SLC12A6: variants seen among roughly 807,000 people sequenced by gnomAD.
SLC12A6 encodes the protein K-Cl cotransporter 3.
A neutral mutation model predicts 135.3 loss-of-function variants in SLC12A6; 66 were observed. The ratio of observed to expected loss-of-function variants is 0.49; its 90% CI spans 0.40 to 0.60. SLC12A6 has a LOEUF of 0.60. Ranked by LOEUF, SLC12A6 falls within the 20% of genes least tolerant of loss-of-function variation. The pLI, the probability that SLC12A6 is intolerant of heterozygous loss-of-function variation, is 0.00. For missense variants in SLC12A6, 1,058 were observed against 1,452.3 expected (o/e 0.73, Z 4.41); for synonymous variants, 513 against 508.8 (o/e 1.01, Z -0.11).
rs938976336 is a variant in SLC12A6, at chr15:34,233,254, C to A, written c.*627G>T. 3.3e-5 allele frequency: 5 copies of A among 153,734 alleles called. No individual in the cohort carries two copies. Among genetic ancestry groups the A allele is most frequent in the African/African-American group, 1.2e-4 (5 of 41,388 alleles). The allele number at this position is 153,734 out of a possible 1,614,324, so 9.5% of individuals were successfully genotyped here. On this transcript the variant is annotated 3_prime_UTR_variant, in exon 26 of 26. Transcript: ENST00000354181. Reference sequence around the variant, plus strand: ...AAAACAGTTGAAGTATACACTGACACAGTATTTGGATATTTAAATCTGGTA... The same window carrying A: ...AAAACAGTTGAAGTATACACTGACAAAGTATTTGGATATTTAAATCTGGTA...
At chr15:34,273,423 A>G (rs993568784) in intron 3 of SLC12A6, among the ~76,000 whole-genome samples, 3 of 152,360 alleles carry the variant, frequency 2.0e-5, no homozygotes, top group South Asian at 2.1e-4. Flanking sequence ...TCAGATTTGT[A>G]TATTTATGTC....
intron 2 of SLC12A6, among the ~76,000 whole-genome samples, chr15:34,333,430 C>T (rs758222488): frequency 2.6e-5 from 4 of 151,900 alleles, no homozygotes; most frequent in East Asian, 1.9e-4. Flanking sequence ...AGGGTTTCAC[C>T]GTGTTCCCCA....
chr15:34,303,502 A>G (rs1248539354), intron 2 of SLC12A6, among the ~76,000 whole-genome samples: 2 of 152,124 alleles, frequency 1.3e-5, no homozygotes, highest in Non-Finnish European at 1.5e-5. Flanking sequence ...GCTGCTGTGT[A>G]TTATCAACAC....
In SLC12A6 at chr15:34,251,248, T is replaced by G. The variant is rs143661374; in HGVS notation, c.1334-191A>C. On this transcript the variant is annotated intron_variant, in intron 10 of 25. Coordinates refer to ENST00000354181, the MANE Select transcript of SLC12A6 (RefSeq NM_001365088.1). The stretch of plus-strand genomic sequence containing the variant: ...CACATAAATAAAAACATAGTTTTTT[T>G]TTTGTTTGTTTGTTTTTTGAGACAG... Among the ~76,000 whole-genome samples, 253 of 152,162 alleles carry G rather than the reference T, an allele frequency of 1.7e-3. 1 individual carries two copies. The highest frequency in any genetic ancestry group is 7.5e-3 in the South Asian group (36 of 4,824).
At chr15:34,255,779 T>C (rs1423811388) in intron 7 of SLC12A6, among the ~76,000 whole-genome samples, 1 of 150,184 alleles carries the variant, frequency 6.7e-6, no homozygotes, top group Non-Finnish European at 1.5e-5. Context: ...GAGACCAAAC[T>C]GGGTAACATA....
At chr15:34,266,375 C>T (rs139124155) in intron 3 of SLC12A6, among the ~76,000 whole-genome samples, 1 of 152,206 alleles carries the variant, frequency 6.6e-6, no homozygotes, top group East Asian at 1.9e-4. Flanking sequence ...GAAGGCATGA[C>T]AGTTTTGTTT....
chr15:34,332,370 T>C (rs1349291438), intron 2 of SLC12A6, among the ~76,000 whole-genome samples: 2 of 152,212 alleles, frequency 1.3e-5, no homozygotes, highest in Non-Finnish European at 2.9e-5. Flanking sequence ...CATTATACCA[T>C]GAGATCTGCA....
At chr15:34,255,477 T>C (rs1306134458) in intron 7 of SLC12A6, 85 bp from the exon 8 acceptor site, 1 of 975,596 alleles carries the variant, frequency 1.0e-6, no homozygotes, top group Admixed American at 1.9e-5. Context: ...AGAAAAAATA[T>C]ATACATAAAG....
At chr15:34,334,838 G>C (rs967609664) in intron 2 of SLC12A6, among the ~76,000 whole-genome samples, 1 of 152,134 alleles carries the variant, frequency 6.6e-6, no homozygotes, top group African/African-American at 2.4e-5. Context: ...TACCACTTTA[G>C]ACTGTAAAGA....
intron 3 of SLC12A6, among the ~76,000 whole-genome samples, chr15:34,269,903 G>A (rs1235016798): frequency 1.3e-5 from 2 of 152,118 alleles, no homozygotes; most frequent in African/African-American, 4.8e-5. Context: ...GATGAGTAAT[G>A]CCTAGCTCCA....
At chr15:34,281,529 C>G (rs989807707) in intron 2 of SLC12A6, among the ~76,000 whole-genome samples, 5 of 151,930 alleles carry the variant, frequency 3.3e-5, no homozygotes, top group Non-Finnish European at 7.4e-5. Flanking sequence ...GTGGCTCACG[C>G]CTGTAATCCT....
At chr15:34,268,829 C>T (rs947360816) in intron 3 of SLC12A6, among the ~76,000 whole-genome samples, 5 of 151,862 alleles carry the variant, frequency 3.3e-5, no homozygotes, top group South Asian at 4.2e-4. Flanking sequence ...CATCACCTGT[C>T]AGATTACTAT....
intron 2 of SLC12A6, among the ~76,000 whole-genome samples, chr15:34,281,656 C>T (rs551269867): frequency 2.0e-5 from 3 of 152,224 alleles, no homozygotes; most frequent in South Asian, 2.1e-4. Flanking sequence ...GGCATGGTGG[C>T]GCATGCCTGT....
At chr15:34,333,943 G>C (rs1456330153) in intron 2 of SLC12A6, among the ~76,000 whole-genome samples, 1 of 151,832 alleles carries the variant, frequency 6.6e-6, no homozygotes, top group African/African-American at 2.4e-5. Flanking sequence ...GGTGGTGCAT[G>C]CCTGTAATCT....
chr15:34,294,112 T>C (rs1446232573), intron 2 of SLC12A6, among the ~76,000 whole-genome samples: 1 of 152,262 alleles, frequency 6.6e-6, no homozygotes, highest in Non-Finnish European at 1.5e-5. Context: ...CATAAGTCTG[T>C]GATTTCCAAC....
Position 34,254,544 on chromosome 15 carries a change from G to A in SLC12A6, c.922C>T (p.Leu308Phe). The A allele has an allele frequency of 6.2e-7, 1 of 1,610,338 alleles. No homozygotes were observed. Among genetic ancestry groups the A allele is most frequent in the South Asian group, 1.1e-5 (1 of 91,018 alleles). The change falls in exon 9 of 26, where the codon CTC (leucine) becomes TTC (phenylalanine). Residue 308 changes from leucine to phenylalanine, a missense_variant. Leu to Phe is a conservative substitution (Grantham distance 22, BLOSUM62 0). Around this residue, in one of 6 missense-constraint regions of SLC12A6, gnomAD observed 297 missense variants for 318.5 expected, o/e 0.93. Coordinates refer to ENST00000354181, the MANE Select transcript of SLC12A6 (RefSeq NM_001365088.1). ...RAAIFHSDDA[L>F]KESAAMLNNM... is the part of the protein sequence containing the mutation. Reference sequence around the variant, plus strand: ...TTTAGCATGGCTGCTGATTCCTTGAGTGCGTCATCACTGTGAAAGATGGCA... The same window carrying A: ...TTTAGCATGGCTGCTGATTCCTTGAATGCGTCATCACTGTGAAAGATGGCA...
intron 2 of SLC12A6, among the ~76,000 whole-genome samples, chr15:34,286,425 A>G (rs1895084371): frequency 6.6e-6 from 1 of 151,980 alleles, no homozygotes; most frequent in Non-Finnish European, 1.5e-5. Context: ...TTGACTCCGT[A>G]GTCTTTTGGC....
At chr15:34,284,547 C>G (rs1894917868) in intron 2 of SLC12A6, among the ~76,000 whole-genome samples, 1 of 152,118 alleles carries the variant, frequency 6.6e-6, no homozygotes. Context: ...GCTGAGATTA[C>G]AGGCATGAGC....
intron 2 of SLC12A6, among the ~76,000 whole-genome samples, chr15:34,330,347 A>G (rs1447028925): frequency 6.6e-6 from 1 of 152,178 alleles, no homozygotes; most frequent in Admixed American, 6.5e-5. Context: ...TAATCTGGCT[A>G]CAGAGTATAG....
Sources: allele counts gnomAD v4.1 joint callset (sites outside exome capture counted in the v4.1 genomes callset), GRCh38; gene constraint gnomAD v4.1.1; regional missense constraint gnomAD v4.1.1; transcripts MANE v1.5; gene names NCBI Gene and HGNC (gene_info 2026-07-23, HGNC 2026-07-21).